NOX4: variants seen among roughly 807,000 people sequenced by gnomAD.
The protein encoded by NOX4 is kidney oxidase-1.
A neutral mutation model predicts 87.6 loss-of-function variants in NOX4; 69 were observed. That is an observed-to-expected ratio of 0.79 (90% CI 0.65 to 0.96). The LOEUF (loss-of-function observed/expected upper bound fraction) is 0.96. Ranked by LOEUF, NOX4 falls within the 40% of genes least tolerant of loss-of-function variation. The probability of loss-of-function intolerance (pLI) is 0.00; values close to 1 mark genes in which losing one functional copy is unlikely to be tolerated. For missense variants in NOX4, 680 were observed against 681.5 expected, an observed-to-expected ratio of 1.00 and a Z score of 0.02; for synonymous variants, 275 against 238.2, an observed-to-expected ratio of 1.15 and a Z score of -1.42.
At chr11:89,366,146 G>A (rs1258572288) in intron 12 of NOX4, among the ~76,000 whole-genome samples, 1 of 152,030 alleles carries the variant, frequency 6.6e-6, no homozygotes, top group East Asian at 1.9e-4. Context: ...ATTATGTGGT[G>A]TTTTTGACAT....
intron 13 of NOX4, among the ~76,000 whole-genome samples, chr11:89,349,095 T>C (rs951675622): frequency 6.6e-6 from 1 of 152,008 alleles, no homozygotes; most frequent in African/African-American, 2.4e-5. Flanking sequence ...GAGACCAGCC[T>C]GGTCACTATG....
At chr11:89,515,395 T>C in the NOX4 span, among the ~76,000 whole-genome samples, 1 of 151,888 alleles carries the variant, frequency 6.6e-6, no homozygotes, top group African/African-American at 2.4e-5. Flanking sequence ...CAAATTTTTC[T>C]CCTCTTTATT....
intron 7 of NOX4, among the ~76,000 whole-genome samples, chr11:89,428,294 G>A (rs1031312209): frequency 9.2e-6 from 1 of 108,390 alleles, no homozygotes; most frequent in Non-Finnish European, 1.7e-5. Flanking sequence ...ATCGATGCTA[G>A]AAGAAACTGC....
At chr11:89,439,312 C>T (rs1390273950) in intron 6 of NOX4, among the ~76,000 whole-genome samples, 4 of 151,668 alleles carry the variant, frequency 2.6e-5, no homozygotes, top group Non-Finnish European at 5.9e-5. Context: ...TCACCCAATT[C>T]TTCAGGCCTA....
the NOX4 span, among the ~76,000 whole-genome samples, chr11:89,566,326 G>A: frequency 6.6e-6 from 1 of 152,094 alleles, no homozygotes; most frequent in Admixed American, 6.5e-5. Context: ...ACAGGTGTGA[G>A]CCACCATGCC....
chr11:89,412,744 G>T (rs893739133), intron 8 of NOX4, among the ~76,000 whole-genome samples: 1 of 151,972 alleles, frequency 6.6e-6, no homozygotes, highest in Non-Finnish European at 1.5e-5. Flanking sequence ...AAACACTGGG[G>T]AAACTCTCCA....
the NOX4 span, among the ~76,000 whole-genome samples, chr11:89,513,494 G>C: frequency 2.0e-5 from 3 of 151,772 alleles, no homozygotes; most frequent in Admixed American, 2.0e-4. Flanking sequence ...TAGAAATTAA[G>C]GTATTTATTT....
Position 89,340,150 on chromosome 11 carries a change from C to G in NOX4, c.1359G>C (p.Lys453Asn). ...CCCAAATAAAGTATAGTCTTCTAAG[C>G]TTGTATGGTTTCCAGTCATCCCTTT... The part of the protein sequence containing the change: ...NTLLDDWKPY[K>N]LRRLYFIWVC... The change falls in exon 15 of 18, where the codon AAG (lysine) becomes AAC (asparagine). Residue 453 changes from lysine to asparagine, a missense_variant. By Grantham distance (94) the Lys-to-Asn change is moderately conservative. Coordinates refer to ENST00000263317, the MANE Select transcript of NOX4 (RefSeq NM_016931.5). The G allele has an allele frequency of 6.3e-7, 1 of 1,596,334 alleles. No individual in the cohort carries two copies. The highest frequency in any genetic ancestry group is 8.5e-7 in the Non-Finnish European group (1 of 1,172,914).
rs1208007737 is a variant in NOX4, at chr11:89,399,432, AATATATATATATATAT to A, written c.1074+569_1074+584del. ...AGAAAAGTAAATATTCAAGAAATTAAATATATATATATATATATATATATATATATATATATATATT... is the reference window on the plus strand; with the variant it reads ...AGAAAAGTAAATATTCAAGAAATTAAATATATATATATATATATATATATT... On this transcript the variant is annotated intron_variant, in intron 11 of 17. Coordinates refer to ENST00000263317, the MANE Select transcript of NOX4 (RefSeq NM_016931.5). Among the ~76,000 whole-genome samples the A allele has an allele frequency of 1.2e-3, 94 of 75,648 alleles. No homozygotes were observed. In the East Asian group the frequency reaches 0.017, roughly 14 times the overall value. The allele number at this position is 75,648 out of a possible 152,430, so 49.6% of individuals were successfully genotyped here. A position where few individuals can be genotyped will look rare whatever the true frequency, so the allele number is the denominator to read the frequency against.
intron 13 of NOX4, among the ~76,000 whole-genome samples, chr11:89,350,585 G>A (rs1946413065): frequency 6.6e-6 from 1 of 152,098 alleles, no homozygotes. Context: ...ACTTTATAGG[G>A]CAAGGAAGTT....
intron 2 of NOX4, chr11:89,488,791 T>G: frequency 2.0e-6 from 1 of 505,404 alleles, no homozygotes; most frequent in Non-Finnish European, 3.5e-6. Flanking sequence ...ATTCATTAAG[T>G]TACACCTAAT....
At chr11:89,561,060 T>TA in the NOX4 span, among the ~76,000 whole-genome samples, 1 of 105,276 alleles carries the variant, frequency 9.5e-6, no homozygotes, top group Non-Finnish European at 1.9e-5. Flanking sequence ...CATATATATA[T>TA]ATATATATAT....
At chr11:89,529,242 C>A in the NOX4 span, among the ~76,000 whole-genome samples, 1 of 152,100 alleles carries the variant, frequency 6.6e-6, no homozygotes, top group East Asian at 1.9e-4. Context: ...CATTTACATT[C>A]CTTTTCAGGG....
At chr11:89,335,364 TA>T (rs1478303822) in intron 17 of NOX4, among the ~76,000 whole-genome samples, 1 of 151,768 alleles carries the variant, frequency 6.6e-6, no homozygotes, top group East Asian at 1.9e-4. Flanking sequence ...GGAAATATTC[TA>T]GGTTTAAAGA....
chr11:89,437,254 G>T (rs1944125237), intron 6 of NOX4, among the ~76,000 whole-genome samples: 1 of 152,076 alleles, frequency 6.6e-6, no homozygotes, highest in African/African-American at 2.4e-5. Flanking sequence ...TGTAATCCCA[G>T]TTACTTGGGA....
At position 89,360,185 on chromosome 11, in the gene NOX4, G is replaced by T. The variant is rs1308533096; in HGVS notation, c.1136-5142C>A. ...ATTTCACATTGTTTTGGCAATATAGGCTGAGGATTACTTCTTAATGCAGGA... is the reference window on the plus strand; with the variant it reads ...ATTTCACATTGTTTTGGCAATATAGTCTGAGGATTACTTCTTAATGCAGGA... On this transcript the variant is annotated intron_variant, in intron 12 of 17. Transcript: ENST00000263317. Among the ~76,000 whole-genome samples the T allele has an allele frequency of 2.0e-5, 3 of 151,996 alleles. No homozygotes were observed. In the East Asian group the frequency reaches 5.8e-4, roughly 29 times the overall value.
intron 13 of NOX4, among the ~76,000 whole-genome samples, chr11:89,350,840 T>C (rs574476570): frequency 6.6e-6 from 1 of 152,312 alleles, no homozygotes. Flanking sequence ...CTCCTTCTTA[T>C]TCCCTTACCT....
chr11:89,419,667 CCTA>C (rs1209931257), intron 8 of NOX4, among the ~76,000 whole-genome samples: 2 of 151,610 alleles, frequency 1.3e-5, no homozygotes, highest in African/African-American at 4.8e-5. Flanking sequence ...CCTATAGATG[CCTA>C]CTATTTCTCT....
chr11:89,506,219 A>G, the NOX4 span, among the ~76,000 whole-genome samples: 3 of 91,590 alleles, frequency 3.3e-5, no homozygotes, highest in Admixed American at 1.2e-4. Flanking sequence ...GAAAGAAAGA[A>G]AGAGAGAAAG....
Sources: allele counts gnomAD v4.1 joint callset (sites outside exome capture counted in the v4.1 genomes callset), GRCh38; gene constraint gnomAD v4.1.1; transcripts MANE v1.5; gene names NCBI Gene and HGNC (gene_info 2026-07-23, HGNC 2026-07-21).